Variants in RBFOX1 observed in about 807,000 individuals in gnomAD.
RBFOX1 encodes the protein RNA binding fox-1 homolog 1.
RBFOX1 carries 8 observed loss-of-function variants against 57.7 expected under a neutral mutation model. That is an observed-to-expected ratio of 0.14 (90% CI 0.08 to 0.25). RBFOX1 has a LOEUF of 0.25. RBFOX1 is among the 10% of genes least tolerant of loss of function. The pLI is 1.00. For missense variants in RBFOX1, 611 were observed against 548.5 expected (o/e 1.11, Z -1.14); for synonymous variants, 326 against 222.4 (o/e 1.47, Z -4.15).
intron 2 of RBFOX1, among the ~76,000 whole-genome samples, chr16:6,325,082 A>G (rs9929286): frequency 0.04 from 6,090 of 152,316 alleles, 404 homozygotes; most frequent in African/African-American, 0.14. Context: ...GTACCCAGGC[A>G]TGGTGGCTCA....
chr16:5,980,775 A>C (rs930165192), intron 4 of RBFOX1, among the ~76,000 whole-genome samples: 1 of 152,094 alleles, frequency 6.6e-6, no homozygotes, highest in South Asian at 2.1e-4. Flanking sequence ...GGTGTGTTTA[A>C]TGCCTCTTAA....
rs1213673728 is a variant in RBFOX1 at position 6,538,760 on chromosome 16, G to A, written c.-63-115843G>A. Among the ~76,000 whole-genome samples the A allele has an allele frequency of 3.3e-5, 5 of 152,192 alleles. No homozygotes were observed. In the East Asian group the frequency reaches 7.7e-4, roughly 24 times the overall value. Reference sequence around the variant, plus strand: ...GTTTGCCTTTTTCCAGCTGTTGGTTGTTTTTTTTCATGGCTTCTTCCAGGG... The same window carrying A: ...GTTTGCCTTTTTCCAGCTGTTGGTTATTTTTTTTCATGGCTTCTTCCAGGG... On this transcript the variant is annotated intron_variant, in intron 2 of 15. Coordinates refer to ENST00000550418, the MANE Select transcript of RBFOX1 (RefSeq NM_018723.4).
intron 3 of RBFOX1, among the ~76,000 whole-genome samples, chr16:5,783,132 A>G (rs1197912939): frequency 6.6e-6 from 1 of 151,532 alleles, no homozygotes; most frequent in South Asian, 2.1e-4. Flanking sequence ...CTTTACTTAA[A>G]TATTTTTAAA....
At chr16:5,782,748 A>G (rs903692722) in intron 3 of RBFOX1, among the ~76,000 whole-genome samples, 2 of 152,210 alleles carry the variant, frequency 1.3e-5, no homozygotes, top group South Asian at 2.1e-4. Context: ...CTAACCAGCA[A>G]TCTGGAGACT....
At chr16:7,467,252 A>T (rs2060691755) in intron 4 of RBFOX1, among the ~76,000 whole-genome samples, 1 of 152,066 alleles carries the variant, frequency 6.6e-6, no homozygotes, top group African/African-American at 2.4e-5. Flanking sequence ...CTCCTAGGCG[A>T]CCTCTCAATA....
intron 5 of RBFOX1, among the ~76,000 whole-genome samples, chr16:7,520,901 A>T (rs534544105): frequency 6.6e-6 from 1 of 151,362 alleles, no homozygotes; most frequent in South Asian, 2.1e-4. Flanking sequence ...ATTCACAAAT[A>T]TTTATTAAGC....
intron 1 of RBFOX1, among the ~76,000 whole-genome samples, chr16:5,371,796 G>C (rs564907243): frequency 1.8e-4 from 27 of 152,062 alleles, no homozygotes; most frequent in Admixed American, 1.0e-3. Flanking sequence ...CCTTGGCCCT[G>C]GGCTGCAGAT....
intron 4 of RBFOX1, among the ~76,000 whole-genome samples, chr16:7,156,356 C>T (rs961423885): frequency 6.6e-6 from 1 of 151,774 alleles, no homozygotes; most frequent in African/African-American, 2.4e-5. Context: ...TGTACATATA[C>T]ATGCACATAT....
Position 6,086,332 on chromosome 16 carries a change from G to A in RBFOX1, c.-127+66340G>A, listed in dbSNP as rs139782444. The stretch of plus-strand genomic sequence containing the variant: ...TGTTATTTGCTGTTCACCCAGCCCC[G>A]TGCATTCCATCTCTCACATTTTTCA... On this transcript the variant is annotated intron_variant, in intron 1 of 15. Transcript: ENST00000550418. 8.5e-4 allele frequency among the ~76,000 whole-genome samples: 130 copies of A among 152,158 alleles called. 1 individual carries two copies. Among genetic ancestry groups the A allele is most frequent in the African/African-American group, 2.9e-3 (120 of 41,524 alleles).
chr16:7,647,336 G>C (rs896385205), intron 11 of RBFOX1, among the ~76,000 whole-genome samples: 5 of 152,184 alleles, frequency 3.3e-5, no homozygotes, highest in African/African-American at 1.2e-4. Flanking sequence ...AATCCAATTT[G>C]TGTTGTAGTG....
At chr16:7,039,616 C>A (rs527704896) in intron 3 of RBFOX1, among the ~76,000 whole-genome samples, 4 of 152,228 alleles carry the variant, frequency 2.6e-5, no homozygotes, top group Admixed American at 2.6e-4. Context: ...AAAGTAACAA[C>A]CGCCATGACC....
chr16:6,760,309 TTC>T (rs1411319378), intron 3 of RBFOX1, among the ~76,000 whole-genome samples: 1 of 152,216 alleles, frequency 6.6e-6, no homozygotes, highest in East Asian at 1.9e-4. Context: ...GCACCTATGT[TTC>T]TGTTATCTAT....
intron 8 of RBFOX1, among the ~76,000 whole-genome samples, chr16:7,596,136 CAAAAAAAAAA>C (rs1220643324): frequency 3.9e-3 from 14 of 3,610 alleles, no homozygotes; most frequent in Non-Finnish European, 0.017. Context: ...GAAAAAAAAA[CAAAAAAAAAA>C]ACGAGAGGTT....
chr16:6,767,935 T>G (rs58688856), intron 3 of RBFOX1, among the ~76,000 whole-genome samples: 2,118 of 92,788 alleles, frequency 0.023, 33 homozygotes, highest in African/African-American at 0.1. Flanking sequence ...ATAATAATAA[T>G]AATAATAATA....
At chr16:6,121,829 A>C (rs942684459) in intron 1 of RBFOX1, among the ~76,000 whole-genome samples, 12 of 152,230 alleles carry the variant, frequency 7.9e-5, no homozygotes, top group Admixed American at 6.5e-4. Context: ...TCTTTAAAGG[A>C]TGACTGTGGG....
chr16:6,713,461 C>T (rs1048968859), intron 3 of RBFOX1, among the ~76,000 whole-genome samples: 1 of 152,046 alleles, frequency 6.6e-6, no homozygotes, highest in Non-Finnish European at 1.5e-5. Flanking sequence ...TAATGCTGTG[C>T]TGTAGGGGTC....
intron 2 of RBFOX1, among the ~76,000 whole-genome samples, chr16:5,577,229 C>A (rs76270053): frequency 3.4e-4 from 52 of 152,260 alleles, no homozygotes; most frequent in African/African-American, 1.2e-3. Flanking sequence ...ACTTTTGCAA[C>A]GATCTAAGAA....
intron 1 of RBFOX1, among the ~76,000 whole-genome samples, chr16:5,311,789 T>C (rs1300642121): frequency 6.6e-6 from 1 of 152,222 alleles, no homozygotes; most frequent in Non-Finnish European, 1.5e-5. Context: ...TAGTAGGGAA[T>C]AATTACAGAT....
intron 2 of RBFOX1, among the ~76,000 whole-genome samples, chr16:6,532,790 C>T (rs995298022): frequency 3.3e-5 from 5 of 152,200 alleles, no homozygotes; most frequent in Non-Finnish European, 5.9e-5. Context: ...CCTGTGTTAC[C>T]GTCTCTCTGT....
Sources: allele counts gnomAD v4.1 joint callset (sites outside exome capture counted in the v4.1 genomes callset), GRCh38; gene constraint gnomAD v4.1.1; transcripts MANE v1.5; gene names NCBI Gene and HGNC (gene_info 2026-07-23, HGNC 2026-07-21).